The following ST3GAL3 variants were observed in gnomAD, a reference collection of about 807,000 sequenced individuals.
ST3GAL3 encodes the protein ST3 beta-galactoside alpha-2,3-sialyltransferase 3.
A neutral mutation model predicts 50.1 loss-of-function variants in ST3GAL3; 21 were observed. The ratio of observed to expected loss-of-function variants is 0.42; its 90% CI spans 0.30 to 0.60. ST3GAL3 has a LOEUF of 0.60. Ranked by LOEUF, ST3GAL3 falls within the 20% of genes least tolerant of loss-of-function variation. ST3GAL3 has a pLI of 0.19. For synonymous variants in ST3GAL3, 183 were observed against 190.0 expected, an observed-to-expected ratio of 0.96 and a Z score of 0.30; for missense variants, 353 against 489.4, an observed-to-expected ratio of 0.72 and a Z score of 2.63.
At chr1:43,919,654 A>G (rs1391806034) in intron 9 of ST3GAL3, 2 of 153,426 alleles carry the variant, frequency 1.3e-5, no homozygotes, top group Non-Finnish European at 2.9e-5. Flanking sequence ...CGCACTGAAC[A>G]GTAAGGGCTG....
chr1:43,707,974 C>T (rs1662292878), intron 1 of ST3GAL3: 1 of 152,296 alleles, frequency 6.6e-6, no homozygotes, highest in Admixed American at 6.5e-5. Context: ...CGTGTGAAAC[C>T]CCGCAGCGCT....
At chr1:43,926,915 T>C (rs961362108) in intron 11 of ST3GAL3, among the ~76,000 whole-genome samples, 2 of 152,224 alleles carry the variant, frequency 1.3e-5, no homozygotes, top group African/African-American at 4.8e-5. Flanking sequence ...CCCACGTTCC[T>C]GCCCCCCACC....
At chr1:43,840,119 C>A (rs1287996355) in intron 5 of ST3GAL3, 2 of 151,532 alleles carry the variant, frequency 1.3e-5, no homozygotes, top group Admixed American at 6.6e-5. Context: ...GCCTTGACCT[C>A]CGGGCTCAAG....
intron 1 of ST3GAL3, among the ~76,000 whole-genome samples, chr1:43,724,119 A>G (rs1210855536): frequency 6.6e-6 from 1 of 152,176 alleles, no homozygotes; most frequent in Non-Finnish European, 1.5e-5. Flanking sequence ...ATGCATTCAA[A>G]TTATACCTTT....
intron 9 of ST3GAL3, among the ~76,000 whole-genome samples, chr1:43,917,603 T>A (rs1473187799): frequency 6.3e-5 from 1 of 15,922 alleles, no homozygotes; most frequent in Admixed American, 1.4e-3. Context: ...AATATATATA[T>A]TATATATTAT....
chr1:43,920,661 G>C, intron 10 of ST3GAL3, 111 bp downstream of exon 10: 1 of 1,605,184 alleles, frequency 6.2e-7, no homozygotes, highest in Admixed American at 1.7e-5. Flanking sequence ...GCTTTCTGGG[G>C]AAGAGGGCTC....
chr1:43,910,792 C>G (rs1025912209), intron 9 of ST3GAL3, among the ~76,000 whole-genome samples: 3 of 152,172 alleles, frequency 2.0e-5, no homozygotes, highest in African/African-American at 4.8e-5. Context: ...TTCAGTATAA[C>G]CGGGGTGTGG....
chr1:43,871,340 A>G (rs984510849), intron 5 of ST3GAL3, among the ~76,000 whole-genome samples: 1 of 152,168 alleles, frequency 6.6e-6, no homozygotes, highest in Admixed American at 6.5e-5. Context: ...CAGCCAGGCA[A>G]TGTGCTACAT....
intron 1 of ST3GAL3, among the ~76,000 whole-genome samples, chr1:43,717,870 A>G (rs1469077560): frequency 1.3e-5 from 2 of 150,816 alleles, no homozygotes; most frequent in Non-Finnish European, 1.5e-5. Context: ...ACCTATCATG[A>G]ATTTTTTTTT....
chr1:43,872,338 T>G (rs1469512480), intron 5 of ST3GAL3, among the ~76,000 whole-genome samples: 4 of 69,982 alleles, frequency 5.7e-5, no homozygotes, highest in East Asian at 4.4e-4. Flanking sequence ...TGGGGAAGGG[T>G]GTGAGCGAGA....
intron 5 of ST3GAL3, among the ~76,000 whole-genome samples, chr1:43,887,473 C>A (rs1258387264): frequency 1.3e-5 from 2 of 152,050 alleles, no homozygotes; most frequent in South Asian, 2.1e-4. Context: ...GAAAATAGAA[C>A]ATGAAGAAAT....
chr1:43,851,159 T>G, intron 5 of ST3GAL3: 1 of 1,344,444 alleles, frequency 7.4e-7, no homozygotes, highest in Non-Finnish European at 1.1e-6. Context: ...CAGCTTCGGG[T>G]GGAAGAGGCG....
At chr1:43,864,234 C>T (rs1314541841) in intron 5 of ST3GAL3, among the ~76,000 whole-genome samples, 3 of 152,138 alleles carry the variant, frequency 2.0e-5, no homozygotes, top group African/African-American at 7.2e-5. Flanking sequence ...GCTGAGCTGG[C>T]GCCATTGCAC....
At chr1:43,866,892 G>C (rs1025853713) in intron 5 of ST3GAL3, among the ~76,000 whole-genome samples, 13 of 152,176 alleles carry the variant, frequency 8.5e-5, no homozygotes, top group Non-Finnish European at 1.5e-4. Context: ...AGCACTTTGG[G>C]AGGCCGTGGT....
rs1209556286 is a variant in ST3GAL3 at position 43,899,131 on chromosome 1, G to A, written c.462-37G>A. On this transcript the variant is annotated intron_variant, in intron 7 of 11. Coordinates refer to ENST00000347631, the MANE Select transcript of ST3GAL3 (RefSeq NM_006279.5). This position sits in a 1 kb window ranked among gnomAD's most constrained non-coding sequence, Gnocchi z 5.4. ...AGCAGGGAAAGAGACCTGGTGGGCA[G>A]CTCTCTGTACAGAGGTCTCCGCCTC... 2.1e-5 allele frequency: 34 copies of A among 1,613,510 alleles called. No homozygotes were observed. Among genetic ancestry groups the A allele is most frequent in the Non-Finnish European group, 2.8e-5 (33 of 1,179,946 alleles).
intron 9 of ST3GAL3, among the ~76,000 whole-genome samples, chr1:43,901,938 G>T (rs1391298379): frequency 6.6e-6 from 1 of 152,188 alleles, no homozygotes; most frequent in Non-Finnish European, 1.5e-5. Flanking sequence ...GTTGCCCGTG[G>T]CCTCACCTCT....
At chr1:43,894,645 G>T (rs1176618970) in intron 6 of ST3GAL3, among the ~76,000 whole-genome samples, 168 bp downstream of exon 6, 16 of 142,226 alleles carry the variant, frequency 1.1e-4, no homozygotes, top group South Asian at 4.5e-4. Flanking sequence ...TTGTTTGTTT[G>T]TTTTTTTTTT....
intron 5 of ST3GAL3, among the ~76,000 whole-genome samples, chr1:43,888,806 C>T (rs2076315907): frequency 6.6e-6 from 1 of 152,078 alleles, no homozygotes. Context: ...GGGAGTGGCA[C>T]TTTCATACAT....
At chr1:43,848,294 CTTTT>C (rs58438507) in intron 5 of ST3GAL3, among the ~76,000 whole-genome samples, 1 of 70,390 alleles carries the variant, frequency 1.4e-5, no homozygotes, top group Non-Finnish European at 2.5e-5. Flanking sequence ...TTGTGGTTTT[CTTTT>C]TTTTTTTTTT....
Sources: gnomAD v4.1 joint callset for allele counts (sites outside exome capture counted in the v4.1 genomes callset) on GRCh38, gnomAD v4.1.1 for gene constraint, Gnocchi (gnomAD v3.1) non-coding constraint, MANE v1.5 for transcripts, NCBI Gene and HGNC (gene_info 2026-07-23, HGNC 2026-07-21) for gene names.